The following TFAP2E variants were observed in gnomAD, a reference collection of about 807,000 sequenced individuals.
TFAP2E encodes transcription factor AP-2-epsilon.
Under a neutral mutation model 37.9 loss-of-function variants are expected in TFAP2E, and 30 were observed. That is an observed-to-expected ratio of 0.79 (90% CI 0.59 to 1.07). The LOEUF (loss-of-function observed/expected upper bound fraction) is 1.07, where lower values mean the gene tolerates loss of function less well. Ranked by LOEUF, TFAP2E falls within the 50% of genes least tolerant of loss-of-function variation. TFAP2E has a pLI of 0.00. For synonymous variants in TFAP2E, 318 were observed against 295.8 expected (o/e 1.08, Z -0.77); for missense variants, 567 against 637.9 (o/e 0.89, Z 1.20).
intron 3 of TFAP2E, among the ~76,000 whole-genome samples, chr1:35,579,290 G>A (rs963895837): frequency 4.0e-5 from 6 of 151,110 alleles, no homozygotes; most frequent in Admixed American, 6.6e-5. Context: ...CAGCTACTCC[G>A]GAGGCTGAGG....
chr1:35,584,520 T>C (rs1449915280), intron 3 of TFAP2E, among the ~76,000 whole-genome samples: 1 of 152,128 alleles, frequency 6.6e-6, no homozygotes, highest in Non-Finnish European at 1.5e-5. Context: ...GCCCTTCTTT[T>C]TATTTTTAAT....
chr1:35,581,988 G>A (rs185597584), intron 3 of TFAP2E, among the ~76,000 whole-genome samples: 85 of 152,170 alleles, frequency 5.6e-4, no homozygotes, highest in Admixed American at 8.5e-4. Context: ...CAATTCTCCT[G>A]CCTCAGCCTC....
intron 3 of TFAP2E, among the ~76,000 whole-genome samples, chr1:35,584,555 T>C (rs113604128): frequency 0.028 from 4,327 of 152,244 alleles, 176 homozygotes; most frequent in African/African-American, 0.081. Context: ...TTTTTGTTTT[T>C]GTTTTTGTTT....
At position 35,590,773 on chromosome 1, in the gene TFAP2E, C is replaced by A; in HGVS notation, c.1044C>A (p.Ala348=). 6.9e-7 allele frequency: 1 copy of A among 1,446,808 alleles called. No homozygotes were observed. Among genetic ancestry groups the A allele is most frequent in the South Asian group, 1.5e-5 (1 of 66,244 alleles). The allele number at this position is 1,446,808 out of a possible 1,614,324, so 89.6% of individuals were successfully genotyped here. The change falls in exon 6 of 7, where the codon GCC becomes GCA. Residue 348 remains alanine (A), a splice_region_variant and synonymous_variant. Coordinates refer to ENST00000373235, the MANE Select transcript of TFAP2E (RefSeq NM_178548.4). The surrounding 1 kb of genome is among the most constrained non-coding windows in gnomAD (Gnocchi z 6.2). ...LHSRKSMLLA[A]KQICKEFADL... ...GCCGCAAGAGCATGCTGCTGGCTGCCAAGTGAGTGAGGGCACCCTGCACAG... is the reference window on the plus strand; with the variant it reads ...GCCGCAAGAGCATGCTGCTGGCTGCAAAGTGAGTGAGGGCACCCTGCACAG...
At chr1:35,584,648 C>T (rs1461405444) in intron 3 of TFAP2E, among the ~76,000 whole-genome samples, 1 of 152,134 alleles carries the variant, frequency 6.6e-6, no homozygotes, top group Non-Finnish European at 1.5e-5. Context: ...AGCAATCCTC[C>T]TACCTCAGCC....
intron 3 of TFAP2E, among the ~76,000 whole-genome samples, chr1:35,581,547 C>T (rs1443794753): frequency 6.6e-6 from 1 of 151,808 alleles, no homozygotes; most frequent in Non-Finnish European, 1.5e-5. Flanking sequence ...CACTTTTCCA[C>T]ATCCTACACT....
intron 3 of TFAP2E, among the ~76,000 whole-genome samples, chr1:35,576,889 A>G (rs1359717139): frequency 6.6e-6 from 1 of 151,106 alleles, no homozygotes; most frequent in Non-Finnish European, 1.5e-5. Context: ...CACGTGCACA[A>G]CCGCGCGGGA....
intron 3 of TFAP2E, among the ~76,000 whole-genome samples, chr1:35,576,630 C>A (rs1236888662): frequency 6.6e-6 from 1 of 152,142 alleles, no homozygotes; most frequent in African/African-American, 2.4e-5. Context: ...CTCTGCCCTG[C>A]GCAAGGGTAG....
rs1649566666 is a variant in TFAP2E at position 35,588,836 on chromosome 1, G to A, written c.785+284G>A. On this transcript the variant is annotated intron_variant, in intron 4 of 6. Transcript: ENST00000373235. This position sits in a 1 kb window ranked among gnomAD's most constrained non-coding sequence, Gnocchi z 5.1. ...TCCACACTGGTCAGGACGAGACTGGGTCTGGGGAAGAGAGAGGGCCATCCT... is the reference window on the plus strand; with the variant it reads ...TCCACACTGGTCAGGACGAGACTGGATCTGGGGAAGAGAGAGGGCCATCCT... Among the ~76,000 whole-genome samples the A allele has an allele frequency of 6.6e-6, 1 of 152,122 alleles. No individual in the cohort carries two copies. The highest frequency in any genetic ancestry group is 2.4e-5 in the African/African-American group (1 of 41,414).
rs556200457 is a variant in TFAP2E, at chr1:35,588,572, A to G, written c.785+20A>G. On this transcript the variant is annotated intron_variant, in intron 4 of 6. Transcript: ENST00000373235. This position sits in a 1 kb window ranked among gnomAD's most constrained non-coding sequence, Gnocchi z 5.1. ...CCGCAGGTAGGAAGGCCAGCCCACA[A>G]TTCCCCGCCTGATTGGATCCCTGGC... The G allele has an allele frequency of 2.8e-5, 43 of 1,549,846 alleles. No individual in the cohort carries two copies. In the South Asian group the frequency reaches 4.5e-4, roughly 16 times the overall value.
intron 4 of TFAP2E, among the ~76,000 whole-genome samples, chr1:35,589,031 T>C (rs1182573436): frequency 1.3e-5 from 2 of 152,096 alleles, no homozygotes; most frequent in East Asian, 3.9e-4. Context: ...TATTTCTGCT[T>C]CAGGGCCATG....
chr1:35,573,507 CT>C lies in TFAP2E; in HGVS notation c.-70del. The stretch of plus-strand genomic sequence containing the variant: ...CGGGCTGTGCCGGCTCCCGGCGCCT[CT>C]GCCCGCAGCGCTCGCCGTCGGGCTA... On this transcript the variant is annotated 5_prime_UTR_variant, in exon 1 of 7. Transcript: ENST00000373235. This position sits in a 1 kb window ranked among gnomAD's most constrained non-coding sequence, Gnocchi z 5.9. The C allele has an allele frequency of 2.8e-6, 4 of 1,433,842 alleles. No homozygotes were observed. Among genetic ancestry groups the C allele is most frequent in the Non-Finnish European group, 3.6e-6 (4 of 1,097,208 alleles). The allele number at this position is 1,433,842 out of a possible 1,614,324, so 88.8% of individuals were successfully genotyped here. A position where few individuals can be genotyped will look rare whatever the true frequency, so the allele number is the denominator to read the frequency against.
At chr1:35,575,137 A>G (rs776965860) in intron 3 of TFAP2E, 137 bp downstream of exon 3, 29 of 1,156,926 alleles carry the variant, frequency 2.5e-5, no homozygotes, top group Admixed American at 7.7e-5. Flanking sequence ...TGGCCCAGCC[A>G]GATGTTAGGC....
In TFAP2E at chr1:35,594,826, CT is replaced by C; in HGVS notation, c.*152del. 1 of 1,235,144 alleles carries C rather than the reference CT, an allele frequency of 8.1e-7. No homozygotes were observed. Among genetic ancestry groups the C allele is most frequent in the Non-Finnish European group, 1.1e-6 (1 of 899,348 alleles). The allele number at this position is 1,235,144 out of a possible 1,614,324, so 76.5% of individuals were successfully genotyped here. ...AGAGATCCCAGAGTTGGGGATCTGG[CT>C]TGGAGTAAGGGAGGGTGGCCTCTCT... On this transcript the variant is annotated 3_prime_UTR_variant, in exon 7 of 7. Transcript: ENST00000373235.
At chr1:35,594,114 G>A (rs557865561) in intron 6 of TFAP2E, among the ~76,000 whole-genome samples, 2 of 152,282 alleles carry the variant, frequency 1.3e-5, no homozygotes, top group East Asian at 3.9e-4. Flanking sequence ...GTAAGTAGCT[G>A]AGCTGCACTT....
chr1:35,594,384 C>T lies in TFAP2E; in HGVS notation c.1047-10C>T. The T allele has an allele frequency of 1.2e-6, 2 of 1,609,924 alleles. No homozygotes were observed. The highest frequency in any genetic ancestry group is 1.7e-6 in the Non-Finnish European group (2 of 1,179,150). On this transcript the variant is annotated splice_polypyrimidine_tract_variant and intron_variant, in intron 6 of 6. Coordinates refer to ENST00000373235, the MANE Select transcript of TFAP2E (RefSeq NM_178548.4). ...TGTCCTCCAACCTCTGACCCTCCTT[C>T]TCGCACCAGGCAGATCTGCAAGGAG...
intron 3 of TFAP2E, among the ~76,000 whole-genome samples, chr1:35,584,890 A>G (rs1241551817): frequency 6.6e-6 from 1 of 152,158 alleles, no homozygotes; most frequent in East Asian, 1.9e-4. Flanking sequence ...TTTTATACAT[A>G]CAGTATAGTT....
chr1:35,582,494 T>G (rs1649377069), intron 3 of TFAP2E, among the ~76,000 whole-genome samples: 1 of 151,416 alleles, frequency 6.6e-6, no homozygotes, highest in African/African-American at 2.4e-5. Flanking sequence ...TTTTTTTGCA[T>G]TTTTAAAAAT....
At position 35,588,270 on chromosome 1, in the gene TFAP2E, C is replaced by G; in HGVS notation, c.563-60C>G. On this transcript the variant is annotated intron_variant, in intron 3 of 6. Coordinates refer to ENST00000373235, the MANE Select transcript of TFAP2E (RefSeq NM_178548.4). This position sits in a 1 kb window ranked among gnomAD's most constrained non-coding sequence, Gnocchi z 5.1. ...CTTCATAAAGCAAGGATACCAGACC[C>G]TCCCTTGAGTGGGGCTGTGTGCGGC... 6.6e-7 allele frequency: 1 copy of G among 1,513,362 alleles called. No individual in the cohort carries two copies. The highest frequency in any genetic ancestry group is 8.9e-7 in the Non-Finnish European group (1 of 1,117,322). 93.7% of individuals were successfully genotyped at this position (1,513,362 alleles called of 1,614,324 possible).
Sources: allele counts gnomAD v4.1 joint callset (sites outside exome capture counted in the v4.1 genomes callset), GRCh38; gene constraint gnomAD v4.1.1; non-coding constraint Gnocchi (gnomAD v3.1); transcripts MANE v1.5; gene names NCBI Gene and HGNC (gene_info 2026-07-23, HGNC 2026-07-21).